DGKG: variants seen among roughly 807,000 people sequenced by gnomAD.
The protein encoded by DGKG is diacylglycerol kinase gamma.
In DGKG, 78 loss-of-function variants were observed where a neutral mutation model predicts 105.3. That is an observed-to-expected ratio of 0.74 (90% CI 0.62 to 0.89). The LOEUF is 0.89. Among genes scored for constraint, DGKG ranks in the 40% least tolerant of loss-of-function variants. The pLI is 0.00. For synonymous variants in DGKG, 346 were observed against 367.1 expected (o/e 0.94, Z 0.66); for missense variants, 958 against 1,020.1 (o/e 0.94, Z 0.83).
At chr3:186,354,244 A>G (rs1456657909) in intron 1 of DGKG, among the ~76,000 whole-genome samples, 2 of 152,324 alleles carry the variant, frequency 1.3e-5, no homozygotes, top group East Asian at 1.9e-4. Context: ...GTGAAGTACT[A>G]TGAGCCACTG....
At chr3:186,154,425 C>T (rs1324824098) in intron 24 of DGKG, among the ~76,000 whole-genome samples, 1 of 151,976 alleles carries the variant, frequency 6.6e-6, no homozygotes, top group Non-Finnish European at 1.5e-5. Flanking sequence ...GGGCAGATCA[C>T]CTGAGGTCAG....
Position 186,188,274 on chromosome 3 carries a change from T to A in DGKG, c.2023A>T (p.Lys675Ter). ...CTTTCCCGGATCACAGCCCGGTTCT[T>A]CTTGTTTTCTCCCCAGAGATTGGTG... Reference protein sequence around the residue: ...GGTNLWGENKKNRAVIRESRK... With the variant: ...GGTNLWGENK Residue 675 changes from lysine to a stop codon, truncating the protein, a stop_gained, in exon 22 of 25, where the codon AAG (lysine) becomes TAG (stop). Coordinates refer to ENST00000265022, the MANE Select transcript of DGKG (RefSeq NM_001346.3). LOFTEE classifies it high-confidence loss of function. 2 of 1,614,160 alleles carry A rather than the reference T, an allele frequency of 1.2e-6. No individual in the cohort carries two copies. Among genetic ancestry groups the A allele is most frequent in the Non-Finnish European group, 1.7e-6 (2 of 1,180,028 alleles).
Position 186,260,534 on chromosome 3 carries a change from G to GGAGGGA in DGKG, c.1350-27_1350-22dup, listed in dbSNP as rs1335342303. 1.9e-6 allele frequency: 3 copies of GGAGGGA among 1,566,332 alleles called. No individual in the cohort carries two copies. The African/African-American group carries it at 4.1e-5, about 21-fold the overall frequency. ...GAATTCTATGGAAAAAAAAAGAAAA[G>GGAGGGA]GAGGGAGAGAGAGAGACAGAGAAGG... On this transcript the variant is annotated intron_variant, in intron 15 of 24. Coordinates refer to ENST00000265022, the MANE Select transcript of DGKG (RefSeq NM_001346.3).
chr3:186,309,030 C>T (rs1724390553), intron 2 of DGKG, among the ~76,000 whole-genome samples: 3 of 152,112 alleles, frequency 2.0e-5, no homozygotes, highest in Non-Finnish European at 4.4e-5. Context: ...TGGTCTTTTC[C>T]CTTGAGCATT....
intron 22 of DGKG, among the ~76,000 whole-genome samples, chr3:186,178,725 A>G (rs1717213385): frequency 6.6e-6 from 1 of 152,208 alleles, no homozygotes; most frequent in Non-Finnish European, 1.5e-5. Context: ...CAGCTGAGAA[A>G]GAGTGAATGA....
chr3:186,153,785 T>C (rs1367497876), intron 24 of DGKG, among the ~76,000 whole-genome samples: 1 of 152,130 alleles, frequency 6.6e-6, no homozygotes, highest in African/African-American at 2.4e-5. Context: ...TAACCTGAAG[T>C]GTGAACCCTT....
At chr3:186,207,807 G>A (rs1327291380) in intron 21 of DGKG, among the ~76,000 whole-genome samples, 3 of 152,332 alleles carry the variant, frequency 2.0e-5, no homozygotes, top group East Asian at 1.9e-4. Flanking sequence ...TTTGACTCAC[G>A]TGGCTCTGCA....
intron 11 of DGKG, among the ~76,000 whole-genome samples, chr3:186,270,137 GT>G (rs3831851): frequency 0.81 from 122,685 of 151,890 alleles, 49,700 homozygotes; most frequent in African/African-American, 0.86. Flanking sequence ...GAATAAACGT[GT>G]TTTTTTTGAG....
At position 186,352,315 on chromosome 3, in the gene DGKG, G is replaced by A. The variant is rs367806586; in HGVS notation, c.-249+9631C>T. Among the ~76,000 whole-genome samples, 492 of 152,224 alleles carry A rather than the reference G, an allele frequency of 3.2e-3. 5 individuals carry two copies. Among genetic ancestry groups the A allele is most frequent in the African/African-American group, 0.011 (447 of 41,518 alleles). ...GCCCAGACTCTCAATGCTGTGAGATGTTTCTTTCCCTTATTAGATAGGCAT... is the reference window on the plus strand; with the variant it reads ...GCCCAGACTCTCAATGCTGTGAGATATTTCTTTCCCTTATTAGATAGGCAT... On this transcript the variant is annotated intron_variant, in intron 1 of 24. Coordinates refer to ENST00000265022, the MANE Select transcript of DGKG (RefSeq NM_001346.3).
chr3:186,297,857 A>G (rs1464259526), intron 4 of DGKG, among the ~76,000 whole-genome samples: 1 of 152,108 alleles, frequency 6.6e-6, no homozygotes, highest in Non-Finnish European at 1.5e-5. Flanking sequence ...GGCAGGAATT[A>G]TGCCTCCTGT....
chr3:186,333,157 T>G (rs1270005653), intron 1 of DGKG, among the ~76,000 whole-genome samples: 1 of 152,164 alleles, frequency 6.6e-6, no homozygotes, highest in African/African-American at 2.4e-5. Context: ...TAGTAAAACT[T>G]TCTGTCAGTG....
intron 22 of DGKG, among the ~76,000 whole-genome samples, chr3:186,183,250 T>G (rs1354614021): frequency 6.6e-6 from 1 of 152,178 alleles, no homozygotes; most frequent in Non-Finnish European, 1.5e-5. Flanking sequence ...CCACTGGACG[T>G]AAATTATATA....
At chr3:186,246,979 G>T (rs915978234) in intron 19 of DGKG, among the ~76,000 whole-genome samples, 1 of 152,112 alleles carries the variant, frequency 6.6e-6, no homozygotes, top group Non-Finnish European at 1.5e-5. Flanking sequence ...ACATACCTTG[G>T]GAATTATTTT....
chr3:186,178,163 G>C (rs1717180994), intron 22 of DGKG, among the ~76,000 whole-genome samples: 1 of 152,224 alleles, frequency 6.6e-6, no homozygotes, highest in African/African-American at 2.4e-5. Context: ...AACTGTGAGA[G>C]ATCGATTTCT....
chr3:186,319,489 T>C (rs551935757), intron 2 of DGKG, among the ~76,000 whole-genome samples: 1 of 152,290 alleles, frequency 6.6e-6, no homozygotes, highest in East Asian at 1.9e-4. Context: ...GGTCAACAGC[T>C]GCAGGCCTCA....
At chr3:186,236,816 C>T (rs1720441830) in intron 20 of DGKG, among the ~76,000 whole-genome samples, 1 of 152,232 alleles carries the variant, frequency 6.6e-6, no homozygotes, top group Non-Finnish European at 1.5e-5. Flanking sequence ...AAATAACTTG[C>T]TTCAGCCTCA....
intron 22 of DGKG, among the ~76,000 whole-genome samples, chr3:186,182,009 T>C (rs1371781125): frequency 1.3e-5 from 2 of 152,226 alleles, no homozygotes; most frequent in African/African-American, 4.8e-5. Flanking sequence ...TCCCCAGGAC[T>C]TTGCTCCTCA....
chr3:186,190,174 G>A (rs1038889516), intron 21 of DGKG, among the ~76,000 whole-genome samples: 3 of 152,166 alleles, frequency 2.0e-5, no homozygotes, highest in African/African-American at 4.8e-5. Flanking sequence ...GGTAGTCAGA[G>A]CCCAAGTTTT....
In DGKG at chr3:186,160,882, C is replaced by T. The variant is rs59282524; in HGVS notation, c.2277+721G>A. On this transcript the variant is annotated intron_variant, in intron 24 of 24. Coordinates refer to ENST00000265022, the MANE Select transcript of DGKG (RefSeq NM_001346.3). ...GTCCTAGTGCTAAAGGGAGAGCTAA[C>T]GGATATGGTAAGTCTGGGAATGGAG... 3,199 of 985,390 alleles carry T rather than the reference C, an allele frequency of 3.2e-3. 89 individuals are homozygous for T. The African/African-American group carries it at 0.052, about 16-fold the overall frequency. The allele number at this position is 985,390 out of a possible 1,614,324, so 61.0% of individuals were successfully genotyped here.
Sources: gnomAD v4.1 joint callset for allele counts (sites outside exome capture counted in the v4.1 genomes callset) on GRCh38, gnomAD v4.1.1 for gene constraint, MANE v1.5 for transcripts, NCBI Gene and HGNC (gene_info 2026-07-23, HGNC 2026-07-21) for gene names.